Variants in NIBAN2 observed in about 807,000 individuals in gnomAD.
NIBAN2 encodes protein Niban 2.
A neutral mutation model predicts 81.8 loss-of-function variants in NIBAN2; 36 were observed. The observed-to-expected ratio is 0.44, with a 90% CI of 0.34 to 0.58. The LOEUF (loss-of-function observed/expected upper bound fraction) is 0.58. Ranked by LOEUF, NIBAN2 falls within the 20% of genes least tolerant of loss-of-function variation. The probability of loss-of-function intolerance (pLI) is 0.02; values close to 1 mark genes in which losing one functional copy is unlikely to be tolerated. For synonymous variants in NIBAN2, 445 were observed against 441.6 expected (o/e 1.01, Z -0.10); for missense variants, 897 against 1,014.1 (o/e 0.88, Z 1.57).
At position 127,507,154 on chromosome 9, in the gene NIBAN2, A is replaced by G; in HGVS notation, c.1932T>C (p.Pro644=). The G allele has an allele frequency of 6.2e-7, 1 of 1,609,604 alleles. No individual in the cohort carries two copies. ...TCTCAGTGACACCGTCCGGGGACGCAGGTGGTGGTGACTCAGGGCTAGCCT... is the reference window on the plus strand; with the variant it reads ...TCTCAGTGACACCGTCCGGGGACGCGGGTGGTGGTGACTCAGGGCTAGCCT... ...PFEASPESPP[P]ASPDGVTEIR... is the part of the protein sequence containing the mutation. Residue 644 remains proline (P), a synonymous_variant, in exon 14 of 14, where the codon CCT becomes CCC. Coordinates refer to ENST00000373312, the MANE Select transcript of NIBAN2 (RefSeq NM_022833.4). The surrounding 1 kb of genome is among the most constrained non-coding windows in gnomAD (Gnocchi z 6.8).
At chr9:127,523,195 ATATATATATATATATATATATATATATAT>A in intron 5 of NIBAN2, among the ~76,000 whole-genome samples, 125 of 4,558 alleles carry the variant, frequency 0.027, 28 homozygotes, top group African/African-American at 0.11. Flanking sequence ...AAAAAAAAAT[ATATATATATATATATATATATATATATAT>A]ATATATATAT....
chr9:127,538,911 C>T (rs1163680874), intron 1 of NIBAN2, among the ~76,000 whole-genome samples: 1 of 135,874 alleles, frequency 7.4e-6, no homozygotes, highest in Non-Finnish European at 1.5e-5. Context: ...CGCCATCGTA[C>T]TCTAGCCTGG....
At chr9:127,565,436 A>G (rs1837841386) in intron 1 of NIBAN2, among the ~76,000 whole-genome samples, 1 of 152,132 alleles carries the variant, frequency 6.6e-6, no homozygotes, top group Non-Finnish European at 1.5e-5. Flanking sequence ...ATATACTAAA[A>G]ACCGCTGAAG....
chr9:127,534,004 G>A (rs1386234852), intron 1 of NIBAN2, among the ~76,000 whole-genome samples: 1 of 152,230 alleles, frequency 6.6e-6, no homozygotes, highest in African/African-American at 2.4e-5. Flanking sequence ...GTGTGCTCCT[G>A]GGTGCCCCCA....
At chr9:127,515,424 G>A (rs571891653) in intron 8 of NIBAN2, among the ~76,000 whole-genome samples, 6 of 151,974 alleles carry the variant, frequency 3.9e-5, no homozygotes, top group Admixed American at 2.6e-4. Flanking sequence ...AGGAGGCTGA[G>A]GCAGGAGAAT....
At chr9:127,556,932 C>T (rs1837682692) in intron 1 of NIBAN2, among the ~76,000 whole-genome samples, 1 of 152,154 alleles carries the variant, frequency 6.6e-6, no homozygotes, top group Admixed American at 6.6e-5. Context: ...AATAAATTAG[C>T]CCCATGTGGT....
intron 1 of NIBAN2, among the ~76,000 whole-genome samples, chr9:127,554,064 AC>A (rs1206333443): frequency 1.3e-5 from 2 of 152,178 alleles, no homozygotes; most frequent in Non-Finnish European, 2.9e-5. Flanking sequence ...TCTGGGCTAA[AC>A]TACCACAGTC....
intron 1 of NIBAN2, among the ~76,000 whole-genome samples, chr9:127,540,520 G>A (rs1837358876): frequency 6.6e-6 from 1 of 152,202 alleles, no homozygotes. Context: ...TTGGACACGT[G>A]CCCCCGATTC....
In NIBAN2 at chr9:127,525,156, T is replaced by C; in HGVS notation, c.323A>G (p.Glu108Gly). The change falls in exon 4 of 14, where the codon GAG becomes GGG. Residue 108 changes from glutamate (E) to glycine (G), a missense_variant. Glu to Gly is a moderately conservative substitution (Grantham distance 98). Around this residue, in one of 3 missense-constraint regions of NIBAN2, gnomAD observed 209 missense variants for 208.4 expected, o/e 1.00. Transcript: ENST00000373312. Reference sequence around the variant, plus strand: ...GACGGCTCGTGGTGGGACCTGCCGCTCATAGGCCTGAGGGAGGCAAGAGAG... The same window carrying C: ...GACGGCTCGTGGTGGGACCTGCCGCCCATAGGCCTGAGGGAGGCAAGAGAG... ...LVLYENKAAY[E>G]RQVPPRAVIN... 6.2e-7 allele frequency: 1 copy of C among 1,613,818 alleles called. No homozygotes were observed. The highest frequency in any genetic ancestry group is 8.5e-7 in the Non-Finnish European group (1 of 1,179,790).
chr9:127,547,003 G>A (rs1328588176), intron 1 of NIBAN2, among the ~76,000 whole-genome samples: 1 of 151,250 alleles, frequency 6.6e-6, no homozygotes, highest in Non-Finnish European at 1.5e-5. Context: ...TGTGTGCCAA[G>A]CAGAAGACCC....
intron 5 of NIBAN2, among the ~76,000 whole-genome samples, chr9:127,521,557 C>G (rs1337388969): frequency 6.6e-6 from 1 of 151,978 alleles, no homozygotes; most frequent in Non-Finnish European, 1.5e-5. Context: ...CCCCACCCCC[C>G]ACTTCCTGGC....
chr9:127,510,932 A>G (rs1169334435), intron 8 of NIBAN2, among the ~76,000 whole-genome samples: 1 of 152,176 alleles, frequency 6.6e-6, no homozygotes, highest in Non-Finnish European at 1.5e-5. Context: ...CCATGGGTAC[A>G]TTGTGTGACC....
chr9:127,560,071 C>A (rs1336298291), intron 1 of NIBAN2, among the ~76,000 whole-genome samples: 1 of 152,176 alleles, frequency 6.6e-6, no homozygotes, highest in East Asian at 1.9e-4. Context: ...CCTCTGACTC[C>A]CGGCCTCTTT....
At chr9:127,560,584 C>G (rs1246840936) in intron 1 of NIBAN2, among the ~76,000 whole-genome samples, 4 of 152,198 alleles carry the variant, frequency 2.6e-5, no homozygotes, top group African/African-American at 9.7e-5. Context: ...TTACACCTTC[C>G]CAAGGAAGGC....
intron 1 of NIBAN2, among the ~76,000 whole-genome samples, chr9:127,547,030 C>T (rs967055746): frequency 7.3e-5 from 11 of 151,514 alleles, no homozygotes; most frequent in Non-Finnish European, 2.9e-5. Flanking sequence ...GGCCAAGATT[C>T]GGACAGGCAT....
At position 127,508,672 on chromosome 9, in the gene NIBAN2, G is replaced by A. The variant is rs1588150100; in HGVS notation, c.1318-134C>T. ...CAGGGAGGAATGGCAAGCGGTCTAT[G>A]CCCACTCACAGCTCTGCACGCTGGA... On this transcript the variant is annotated intron_variant, in intron 10 of 13. Transcript: ENST00000373312. This position sits in a 1 kb window ranked among gnomAD's most constrained non-coding sequence, Gnocchi z 6.4. 1 of 805,454 alleles carries A rather than the reference G, an allele frequency of 1.2e-6. No homozygotes were observed. Among genetic ancestry groups the A allele is most frequent in the Non-Finnish European group, 2.1e-6 (1 of 472,920 alleles). The allele number at this position is 805,454 out of a possible 1,614,324, so 49.9% of individuals were successfully genotyped here.
In NIBAN2 at chr9:127,517,531, G is replaced by A. The variant is rs1044357234; in HGVS notation, c.705+295C>T. ...GGAAGTGTACATTTATTTGCCAAAT[G>A]TCTGTTTCTCCTGCTATACGGAGAG... On this transcript the variant is annotated intron_variant, in intron 6 of 13. Transcript: ENST00000373312. This position sits in a 1 kb window ranked among gnomAD's most constrained non-coding sequence, Gnocchi z 4.0. Among the ~76,000 whole-genome samples, 1 of 152,192 alleles carries A rather than the reference G, an allele frequency of 6.6e-6. No homozygotes were observed. Among genetic ancestry groups the A allele is most frequent in the Non-Finnish European group, 1.5e-5 (1 of 68,034 alleles).
chr9:127,506,866 T>C lies in NIBAN2; in HGVS notation c.2220A>G (p.Ala740=). ...TGGCCTAGAACTCAGTCTGCACCCC[T>C]GCACTGTCCTCGGTGGTGGTGTGGA... The part of the protein sequence containing the change: ...PALHTTTEDS[A]GVQTEF The change falls in exon 14 of 14, where the codon GCA becomes GCG. Residue 740 remains alanine (A), a synonymous_variant. Transcript: ENST00000373312. The C allele has an allele frequency of 1.2e-6, 2 of 1,611,992 alleles. No homozygotes were observed. The highest frequency in any genetic ancestry group is 1.7e-6 in the Non-Finnish European group (2 of 1,179,166).
chr9:127,545,333 C>T lies in NIBAN2; in HGVS notation c.56-13555G>A, dbSNP rs1837451923. Among the ~76,000 whole-genome samples, 1 of 152,202 alleles carries T rather than the reference C, an allele frequency of 6.6e-6. No homozygotes were observed. The highest frequency in any genetic ancestry group is 1.5e-5 in the Non-Finnish European group (1 of 68,036). On this transcript the variant is annotated intron_variant, in intron 1 of 13. Transcript: ENST00000373312. This position sits in a 1 kb window ranked among gnomAD's most constrained non-coding sequence, Gnocchi z 4.7. ...CCTGCTCCCCGGCACTCCCCTCAAC[C>T]ACAGTTAATGCCTCATCTGAGACGC...
Sources: allele counts gnomAD v4.1 joint callset (sites outside exome capture counted in the v4.1 genomes callset), GRCh38; gene constraint gnomAD v4.1.1; regional missense constraint gnomAD v4.1.1; non-coding constraint Gnocchi (gnomAD v3.1); transcripts MANE v1.5; gene names NCBI Gene and HGNC (gene_info 2026-07-23, HGNC 2026-07-21).